KLF12: variants seen among roughly 807,000 people sequenced by gnomAD.
KLF12 encodes Krueppel-like factor 12.
In KLF12, 9 loss-of-function variants were observed where a neutral mutation model predicts 37.8. The ratio of observed to expected loss-of-function variants is 0.24; its 90% CI spans 0.14 to 0.42. The LOEUF is 0.42. KLF12 is among the 10% of genes least tolerant of loss of function. KLF12 has a pLI of 1.00. For synonymous variants in KLF12, 208 were observed against 202.1 expected (o/e 1.03, Z -0.25); for missense variants, 411 against 516.0 (o/e 0.80, Z 1.97).
At chr13:74,284,954 A>C in the KLF12 span, among the ~76,000 whole-genome samples, 1 of 152,104 alleles carries the variant, frequency 6.6e-6, no homozygotes, top group Admixed American at 6.5e-5. Flanking sequence ...GGTAAGTATG[A>C]GCTCCTTTAA....
At chr13:73,728,128 T>A (rs35651689) in intron 6 of KLF12, among the ~76,000 whole-genome samples, 4,535 of 152,330 alleles carry the variant, frequency 0.03, 88 homozygotes, top group Middle Eastern at 0.058. Flanking sequence ...ATTAAAAAAA[T>A]TTTTTTAACC....
At chr13:74,214,047 G>C in the KLF12 span, among the ~76,000 whole-genome samples, 1 of 152,272 alleles carries the variant, frequency 6.6e-6, no homozygotes, top group African/African-American at 2.4e-5. Context: ...GCTCAGAGCT[G>C]AGTCAAGTAG....
chr13:73,687,353 G>GATTTTTC lies in KLF12; in HGVS notation c.*8130_*8136dup, dbSNP rs1873555372. The GATTTTTC allele has an allele frequency of 6.6e-6, 1 of 152,634 alleles. No individual in the cohort carries two copies. Among genetic ancestry groups the GATTTTTC allele is most frequent in the Admixed American group, 6.5e-5 (1 of 15,284 alleles). The allele number at this position is 152,634 out of a possible 1,614,324, so 9.5% of individuals were successfully genotyped here. On this transcript the variant is annotated 3_prime_UTR_variant, in exon 8 of 8. Coordinates refer to ENST00000377669, the MANE Select transcript of KLF12 (RefSeq NM_007249.5). The stretch of plus-strand genomic sequence containing the variant: ...AGTCACTACCCCACAGGGGGACAGT[G>GATTTTTC]ATTTTTCAAAATGAAGCTTTAAACA...
At chr13:73,883,286 C>A (rs528627576) in intron 3 of KLF12, among the ~76,000 whole-genome samples, 1 of 152,216 alleles carries the variant, frequency 6.6e-6, no homozygotes, top group African/African-American at 2.4e-5. Context: ...TTGAATCAGC[C>A]TCACAAGTTT....
At chr13:73,769,872 T>C (rs1179730666) in intron 5 of KLF12, among the ~76,000 whole-genome samples, 1 of 151,726 alleles carries the variant, frequency 6.6e-6, no homozygotes, top group Non-Finnish European at 1.5e-5. Context: ...AATAAATGAT[T>C]ATTCCACAGA....
At chr13:73,755,276 C>A (rs944731421) in intron 6 of KLF12, among the ~76,000 whole-genome samples, 3 of 152,080 alleles carry the variant, frequency 2.0e-5, no homozygotes, top group African/African-American at 7.2e-5. Context: ...TTCTATTTTA[C>A]AAAAATATCA....
rs543420772 is a variant in KLF12, at chr13:73,894,212, T to A, written c.124-47839A>T. The stretch of plus-strand genomic sequence containing the variant: ...AGGAAACAGATAAAGCAAGGAGACG[T>A]TTAGACTTCAGTAATGATTAGCATT... On this transcript the variant is annotated intron_variant, in intron 3 of 7. Coordinates refer to ENST00000377669, the MANE Select transcript of KLF12 (RefSeq NM_007249.5). Among the ~76,000 whole-genome samples, 4 of 152,286 alleles carry A rather than the reference T, an allele frequency of 2.6e-5. No homozygotes were observed. In the East Asian group the frequency reaches 7.7e-4, roughly 29 times the overall value.
At chr13:74,099,391 A>T (rs1876175560) in intron 1 of KLF12, among the ~76,000 whole-genome samples, 1 of 152,110 alleles carries the variant, frequency 6.6e-6, no homozygotes, top group African/African-American at 2.4e-5. Flanking sequence ...GCCCTACATC[A>T]ACCTTCACAA....
intron 3 of KLF12, among the ~76,000 whole-genome samples, chr13:73,900,714 T>C (rs8000776): frequency 0.55 from 84,320 of 151,944 alleles, 23,768 homozygotes; most frequent in African/African-American, 0.61. Context: ...AGAAAGTGAA[T>C]TCATTCTGCT....
chr13:74,049,247 G>A (rs1270651522), intron 1 of KLF12, among the ~76,000 whole-genome samples: 1 of 152,208 alleles, frequency 6.6e-6, no homozygotes. Flanking sequence ...AACAAAGAGT[G>A]ATAAGATGTC....
At position 73,968,398 on chromosome 13, in the gene KLF12, T is replaced by C. The variant is rs115466374; in HGVS notation, c.34-24328A>G. On this transcript the variant is annotated intron_variant, in intron 2 of 7. Coordinates refer to ENST00000377669, the MANE Select transcript of KLF12 (RefSeq NM_007249.5). ...CTGGTGGGGTCTCAGACAGCTATGA[T>C]TTCTGGATAATTATGATTCTATGCA... Among the ~76,000 whole-genome samples, 866 of 152,322 alleles carry C rather than the reference T, an allele frequency of 5.7e-3. 13 individuals carry two copies. Among genetic ancestry groups the C allele is most frequent in the African/African-American group, 0.02 (845 of 41,566 alleles).
At chr13:74,252,640 C>A in the KLF12 span, among the ~76,000 whole-genome samples, 5 of 152,270 alleles carry the variant, frequency 3.3e-5, no homozygotes, top group South Asian at 1.0e-3. Context: ...CTCAGTGGCT[C>A]TAAATCAAAT....
At chr13:73,887,359 G>A (rs1009085971) in intron 3 of KLF12, among the ~76,000 whole-genome samples, 1 of 152,186 alleles carries the variant, frequency 6.6e-6, no homozygotes, top group Non-Finnish European at 1.5e-5. Context: ...GAGCTAACTG[G>A]ATCATGGGGA....
rs115908889 is a variant in KLF12 at position 73,968,239 on chromosome 13, T to C, written c.34-24169A>G. Among the ~76,000 whole-genome samples, 784 of 152,312 alleles carry C rather than the reference T, an allele frequency of 5.1e-3. 9 individuals carry two copies. The highest frequency in any genetic ancestry group is 0.018 in the African/African-American group (742 of 41,570). On this transcript the variant is annotated intron_variant, in intron 2 of 7. Coordinates refer to ENST00000377669, the MANE Select transcript of KLF12 (RefSeq NM_007249.5). ...TAGACTTTGAAATGAGAAAAATAAG[T>C]CAGCTAAATTTGCATAGGAAGTAAC...
chr13:74,260,190 C>CTTTG, the KLF12 span, among the ~76,000 whole-genome samples: 2 of 152,034 alleles, frequency 1.3e-5, no homozygotes, highest in Non-Finnish European at 2.9e-5. Flanking sequence ...AGAGTATGTG[C>CTTTG]TTTGGTAAGA....
rs1301740058 is a variant in KLF12, at chr13:74,112,384, TTGTC to T, written c.-32+21351_-32+21354del. On this transcript the variant is annotated intron_variant, in intron 1 of 7. Transcript: ENST00000377669. Reference sequence around the variant, plus strand: ...TCCATTTTACTGCACTTTGCAGATATTGTCTGTGTGTGTGTGTGTGTGTGTGTGT... The same window carrying T: ...TCCATTTTACTGCACTTTGCAGATATTGTGTGTGTGTGTGTGTGTGTGTGT... Among the ~76,000 whole-genome samples, 385 of 145,278 alleles carry T rather than the reference TTGTC, an allele frequency of 2.7e-3. 1 individual carries two copies. Among genetic ancestry groups the T allele is most frequent in the African/African-American group, 8.8e-3 (339 of 38,400 alleles).
intron 1 of KLF12, among the ~76,000 whole-genome samples, chr13:74,092,358 T>C (rs1158057126): frequency 6.7e-6 from 1 of 150,202 alleles, no homozygotes; most frequent in African/African-American, 2.5e-5. Context: ...AAGGATACTA[T>C]CAAGAAAATG....
intron 3 of KLF12, among the ~76,000 whole-genome samples, chr13:73,929,731 G>A (rs1889579005): frequency 1.3e-5 from 2 of 152,156 alleles, no homozygotes; most frequent in African/African-American, 4.8e-5. Flanking sequence ...AAATGTCACA[G>A]CCTCTGCCAC....
rs538770698 is a variant in KLF12, at chr13:73,945,404, G to A, written c.34-1334C>T. Among the ~76,000 whole-genome samples the A allele has an allele frequency of 5.3e-5, 8 of 152,254 alleles. No individual in the cohort carries two copies. The South Asian group carries it at 1.7e-3, about 32-fold the overall frequency. On this transcript the variant is annotated intron_variant, in intron 2 of 7. Coordinates refer to ENST00000377669, the MANE Select transcript of KLF12 (RefSeq NM_007249.5). ...GAATTACTTGAACCTTGGAGGTGGA[G>A]GTTGCAGTGAGCCGAGATCACGCCA...
Sources: gnomAD v4.1 joint callset for allele counts (sites outside exome capture counted in the v4.1 genomes callset) on GRCh38, gnomAD v4.1.1 for gene constraint, MANE v1.5 for transcripts, NCBI Gene and HGNC (gene_info 2026-07-23, HGNC 2026-07-21) for gene names.